FGF14: variants seen among roughly 807,000 people sequenced by gnomAD.
The protein encoded by FGF14 is fibroblast growth factor 14, also known as fibroblast growth factor homologous factor 4.
Under a neutral mutation model 25.5 loss-of-function variants are expected in FGF14, and 5 were observed. The ratio of observed to expected loss-of-function variants is 0.20; its 90% CI spans 0.10 to 0.41. The LOEUF (loss-of-function observed/expected upper bound fraction) is 0.41, where lower values mean the gene tolerates loss of function less well. Among genes scored for constraint, FGF14 ranks in the 10% least tolerant of loss-of-function variants. The pLI, the probability that FGF14 is intolerant of heterozygous loss-of-function variation, is 1.00. For synonymous variants in FGF14, 138 were observed against 118.3 expected, an observed-to-expected ratio of 1.17 and a Z score of -1.08; for missense variants, 222 against 320.1, an observed-to-expected ratio of 0.69 and a Z score of 2.34.
chr13:102,168,938 G>A, intron 1 of FGF14, among the ~76,000 whole-genome samples: 1 of 151,866 alleles, frequency 6.6e-6, no homozygotes, highest in South Asian at 2.1e-4. Context: ...ATAATATCAT[G>A]GAGAAAATAA....
At chr13:102,212,202 C>T (rs1425214536) in intron 1 of FGF14, among the ~76,000 whole-genome samples, 2 of 152,166 alleles carry the variant, frequency 1.3e-5, no homozygotes, top group African/African-American at 4.8e-5. Flanking sequence ...CGTCTCAGGC[C>T]TCCTTCAAAA....
intron 1 of FGF14, among the ~76,000 whole-genome samples, chr13:102,369,922 GAATTCA>G (rs2057827302): frequency 6.6e-6 from 1 of 152,018 alleles, no homozygotes; most frequent in Non-Finnish European, 1.5e-5. Flanking sequence ...CTAAAACTAC[GAATTCA>G]AAGTCCACAA....
chr13:102,283,880 T>A (rs557242194), intron 1 of FGF14, among the ~76,000 whole-genome samples: 1 of 152,318 alleles, frequency 6.6e-6, no homozygotes, highest in Non-Finnish European at 1.5e-5. Context: ...ATTTCCTCTG[T>A]AAAATGAAAA....
In FGF14 at chr13:101,907,945, A is replaced by G. The variant is rs554870746; in HGVS notation, c.193+8508T>C. Among the ~76,000 whole-genome samples the G allele has an allele frequency of 1.1e-4, 16 of 152,248 alleles. No individual in the cohort carries two copies. In the South Asian group the frequency reaches 3.3e-3, roughly 32 times the overall value. The stretch of plus-strand genomic sequence containing the variant: ...CCAAGTTCAGTAAAAAAATAAAAAG[A>G]GGAGTAAATGGATAGATCTGCAGAT... On this transcript the variant is annotated intron_variant, in intron 1 of 4. Transcript: ENST00000376143.
intron 1 of FGF14, chr13:102,367,791 T>C (rs2057757922): frequency 6.6e-6 from 1 of 151,890 alleles, no homozygotes; most frequent in South Asian, 2.1e-4. Context: ...AAAATGGGGG[T>C]GACAGTGCCA....
In FGF14 at chr13:101,857,026, T is replaced by C. The variant is rs541349748; in HGVS notation, c.408+11699A>G. 7.4e-4 allele frequency among the ~76,000 whole-genome samples: 112 copies of C among 152,150 alleles called. 1 individual carries two copies. The highest frequency in any genetic ancestry group is 5.2e-3 in the South Asian group (25 of 4,828). The stretch of plus-strand genomic sequence containing the variant: ...TAACGGGGAGTCATTAAGTATCAAC[T>C]CTTTGTCATTGTTTCCTCATGAAGG... On this transcript the variant is annotated intron_variant, in intron 3 of 4. Transcript: ENST00000376143.
chr13:102,086,540 A>T (rs538965685), intron 1 of FGF14, among the ~76,000 whole-genome samples: 1 of 152,008 alleles, frequency 6.6e-6, no homozygotes, highest in South Asian at 2.1e-4. Context: ...AAAAAAAAAG[A>T]AGTGCTTCCG....
At chr13:101,909,379 T>TCAG (rs2139058148) in intron 1 of FGF14, among the ~76,000 whole-genome samples, 1 of 152,120 alleles carries the variant, frequency 6.6e-6, no homozygotes, top group South Asian at 2.1e-4. Flanking sequence ...TACAATGAAC[T>TCAG]CAGACAAATT....
chr13:101,820,411 T>C (rs2042055645), intron 3 of FGF14, among the ~76,000 whole-genome samples: 1 of 152,076 alleles, frequency 6.6e-6, no homozygotes, highest in Non-Finnish European at 1.5e-5. Context: ...AAAATTAAAA[T>C]TGTGAAATCA....
At chr13:102,228,288 A>T (rs2050918178) in intron 1 of FGF14, among the ~76,000 whole-genome samples, 1 of 152,164 alleles carries the variant, frequency 6.6e-6, no homozygotes, top group South Asian at 2.1e-4. Flanking sequence ...AAAAATTAAG[A>T]TACATTCCTA....
chr13:101,795,001 C>A (rs1012072777), intron 3 of FGF14, among the ~76,000 whole-genome samples: 1 of 152,064 alleles, frequency 6.6e-6, no homozygotes, highest in Non-Finnish European at 1.5e-5. Context: ...TGCAGCAAAA[C>A]CTTTATTGTC....
intron 1 of FGF14, among the ~76,000 whole-genome samples, chr13:102,119,536 G>A (rs565983954): frequency 7.2e-5 from 11 of 152,294 alleles, no homozygotes; most frequent in Non-Finnish European, 1.5e-4. Flanking sequence ...AATGGTATGT[G>A]ACTATGTCAG....
chr13:102,145,958 A>G (rs2046837161), intron 1 of FGF14, among the ~76,000 whole-genome samples: 1 of 152,216 alleles, frequency 6.6e-6, no homozygotes, highest in South Asian at 2.1e-4. Context: ...TAAGCTCCAA[A>G]GATTGTGCAT....
At chr13:101,806,907 C>T (rs909224129) in intron 3 of FGF14, among the ~76,000 whole-genome samples, 12 of 152,110 alleles carry the variant, frequency 7.9e-5, no homozygotes, top group Non-Finnish European at 1.5e-4. Context: ...CCGAATTCAA[C>T]ATAACTAGAT....
At chr13:102,022,667 T>C (rs141427340) in intron 1 of FGF14, among the ~76,000 whole-genome samples, 78 of 152,206 alleles carry the variant, frequency 5.1e-4, no homozygotes, top group African/African-American at 1.8e-3. Flanking sequence ...GCCACTCATT[T>C]AAGATGTTTA....
At chr13:102,037,391 G>A (rs559202335) in intron 1 of FGF14, among the ~76,000 whole-genome samples, 1 of 152,062 alleles carries the variant, frequency 6.6e-6, no homozygotes, top group East Asian at 1.9e-4. Context: ...TTGGCTCATG[G>A]CCTCTCTCCT....
At chr13:102,360,082 T>C (rs988365065) in intron 1 of FGF14, among the ~76,000 whole-genome samples, 1 of 152,138 alleles carries the variant, frequency 6.6e-6, no homozygotes, top group Non-Finnish European at 1.5e-5. Flanking sequence ...AAAATATGGA[T>C]TCATTACTCA....
chr13:102,191,828 C>G (rs2049135031), intron 1 of FGF14, among the ~76,000 whole-genome samples: 1 of 152,096 alleles, frequency 6.6e-6, no homozygotes, highest in South Asian at 2.1e-4. Context: ...TAAAACCATA[C>G]AAGTTATGTG....
intron 3 of FGF14, among the ~76,000 whole-genome samples, chr13:101,742,017 G>A (rs536973115): frequency 6.6e-6 from 1 of 152,260 alleles, no homozygotes; most frequent in East Asian, 1.9e-4. Context: ...TAGAGTTAGA[G>A]ATCAATAAAT....
Sources: gnomAD v4.1 joint callset for allele counts (sites outside exome capture counted in the v4.1 genomes callset) on GRCh38, gnomAD v4.1.1 for gene constraint, MANE v1.5 for transcripts, NCBI Gene and HGNC (gene_info 2026-07-23, HGNC 2026-07-21) for gene names.